Variants in MTSS1 observed in about 807,000 individuals in gnomAD.
MTSS1 encodes MTSS I-BAR domain containing 1.
Under a neutral mutation model 79.0 loss-of-function variants are expected in MTSS1, and 18 were observed. The ratio of observed to expected loss-of-function variants is 0.23; its 90% CI spans 0.16 to 0.34. MTSS1 has a LOEUF of 0.34. Ranked by LOEUF, MTSS1 falls within the 10% of genes least tolerant of loss-of-function variation. MTSS1 has a pLI of 1.00. For missense variants in MTSS1, 815 were observed against 986.2 expected (o/e 0.83, Z 2.33); for synonymous variants, 341 against 368.6 (o/e 0.93, Z 0.86).
At chr8:124,567,750 G>C (rs987462154) in intron 7 of MTSS1, 2 of 1,523,594 alleles carry the variant, frequency 1.3e-6, no homozygotes, top group Non-Finnish European at 1.8e-6. Flanking sequence ...GGGCTAGAAC[G>C]ATCCATGGAA....
At chr8:124,670,895 C>T (rs1824043556) in intron 3 of MTSS1, among the ~76,000 whole-genome samples, 1 of 152,102 alleles carries the variant, frequency 6.6e-6, no homozygotes, top group African/African-American at 2.4e-5. Context: ...GATACAGAGC[C>T]CAGGAGTGCC....
chr8:124,657,872 C>T (rs559815067), intron 3 of MTSS1, among the ~76,000 whole-genome samples: 1 of 152,242 alleles, frequency 6.6e-6, no homozygotes, highest in Non-Finnish European at 1.5e-5. Flanking sequence ...TTGTGTCCTC[C>T]CCCAAAATTC....
intron 3 of MTSS1, among the ~76,000 whole-genome samples, chr8:124,662,786 C>A (rs895103609): frequency 6.6e-6 from 1 of 152,084 alleles, no homozygotes; most frequent in Admixed American, 6.5e-5. Context: ...TGCCCTCCCA[C>A]GGGTTAAATT....
chr8:124,572,338 A>G (rs920005971), intron 6 of MTSS1, among the ~76,000 whole-genome samples: 22 of 151,774 alleles, frequency 1.4e-4, no homozygotes, highest in Admixed American at 1.1e-3. Context: ...TTTATTTATT[A>G]AATTCACTAA....
At chr8:124,724,111 T>G (rs1217747276) in intron 1 of MTSS1, among the ~76,000 whole-genome samples, 1 of 152,098 alleles carries the variant, frequency 6.6e-6, no homozygotes, top group African/African-American at 2.4e-5. Flanking sequence ...ATCTCTCTTC[T>G]GATGGGAACC....
chr8:124,663,561 C>T (rs553983797), intron 3 of MTSS1, among the ~76,000 whole-genome samples: 2 of 152,186 alleles, frequency 1.3e-5, no homozygotes, highest in Admixed American at 6.5e-5. Context: ...TCCCCTTTCT[C>T]CCCACACTCT....
intron 3 of MTSS1, among the ~76,000 whole-genome samples, chr8:124,610,195 T>C (rs1835552912): frequency 2.0e-5 from 3 of 152,224 alleles, no homozygotes. Flanking sequence ...TTCTTCCATA[T>C]TAGACATGCA....
intron 3 of MTSS1, among the ~76,000 whole-genome samples, chr8:124,673,792 G>A (rs757923872): frequency 6.6e-6 from 1 of 152,190 alleles, no homozygotes; most frequent in Non-Finnish European, 1.5e-5. Flanking sequence ...AAGCCTAAGA[G>A]TATTTCACCA....
intron 1 of MTSS1, among the ~76,000 whole-genome samples, chr8:124,722,649 C>G (rs1431979026): frequency 1.3e-5 from 2 of 152,184 alleles, no homozygotes; most frequent in African/African-American, 4.8e-5. Context: ...ATCAGCAGTG[C>G]TATCTCCAAA....
At chr8:124,587,254 A>C (rs1486279426) in intron 5 of MTSS1, among the ~76,000 whole-genome samples, 1 of 152,362 alleles carries the variant, frequency 6.6e-6, no homozygotes, top group Non-Finnish European at 1.5e-5. Context: ...TCAGCCAATG[A>C]ATGAGCCAAG....
chr8:124,603,384 C>T (rs1000414406), intron 3 of MTSS1, among the ~76,000 whole-genome samples: 4 of 152,232 alleles, frequency 2.6e-5, no homozygotes, highest in East Asian at 3.8e-4. Context: ...AGGACTTCCA[C>T]GCTTGCTGCT....
chr8:124,719,020 T>C (rs7842864), intron 1 of MTSS1, among the ~76,000 whole-genome samples: 104,798 of 152,024 alleles, frequency 0.69, 36,517 homozygotes, highest in Admixed American at 0.78. Flanking sequence ...ATGGTACAAA[T>C]AGAGCGATCA....
chr8:124,667,500 C>T (rs1049765271), intron 3 of MTSS1, among the ~76,000 whole-genome samples: 2 of 151,934 alleles, frequency 1.3e-5, no homozygotes, highest in Admixed American at 6.6e-5. Context: ...CAAAATTAGC[C>T]GGGCATGGTG....
chr8:124,634,621 C>T (rs1169692425), intron 3 of MTSS1, among the ~76,000 whole-genome samples: 1 of 152,100 alleles, frequency 6.6e-6, no homozygotes, highest in Non-Finnish European at 1.5e-5. Context: ...CAGGGAAATA[C>T]TCATCTCATT....
intron 3 of MTSS1, among the ~76,000 whole-genome samples, chr8:124,599,810 CA>C (rs1833461665): frequency 6.6e-6 from 1 of 152,134 alleles, no homozygotes. Context: ...GCCTGCAAGC[CA>C]TAGAGTTTCA....
At position 124,597,768 on chromosome 8, in the gene MTSS1, G is replaced by A. The variant is rs987837747; in HGVS notation, c.209-6533C>T. Among the ~76,000 whole-genome samples the A allele has an allele frequency of 1.3e-5, 2 of 152,188 alleles. No homozygotes were observed. The highest frequency in any genetic ancestry group is 2.4e-5 in the African/African-American group (1 of 41,434). ...AGAACTGCTTTGGTGAAAGTGTGCCGCCGTCACAGTAAGTCACTGTGCATC... is the reference window on the plus strand; with the variant it reads ...AGAACTGCTTTGGTGAAAGTGTGCCACCGTCACAGTAAGTCACTGTGCATC... On this transcript the variant is annotated intron_variant, in intron 3 of 13. Transcript: ENST00000518547. This position sits in a 1 kb window ranked among gnomAD's most constrained non-coding sequence, Gnocchi z 4.6.
At chr8:124,693,673 A>C (rs1185863082) in intron 3 of MTSS1, among the ~76,000 whole-genome samples, 1 of 151,676 alleles carries the variant, frequency 6.6e-6, no homozygotes. Context: ...TCCTACACAC[A>C]CTCCAAGTCT....
At chr8:124,715,339 C>T (rs1027847135) in intron 1 of MTSS1, among the ~76,000 whole-genome samples, 2 of 152,088 alleles carry the variant, frequency 1.3e-5, no homozygotes, top group Admixed American at 1.3e-4. Context: ...TTTTCTTTTT[C>T]TCTTTCTTCT....
intron 3 of MTSS1, among the ~76,000 whole-genome samples, chr8:124,664,699 G>A (rs892700151): frequency 3.3e-5 from 5 of 152,172 alleles, no homozygotes; most frequent in African/African-American, 1.2e-4. Flanking sequence ...GAGAGCACTT[G>A]ACTAGTAGCT....
Sources: gnomAD v4.1 joint callset for allele counts (sites outside exome capture counted in the v4.1 genomes callset) on GRCh38, gnomAD v4.1.1 for gene constraint, Gnocchi (gnomAD v3.1) non-coding constraint, MANE v1.5 for transcripts, NCBI Gene and HGNC (gene_info 2026-07-23, HGNC 2026-07-21) for gene names.